CCDC91: variants seen among roughly 807,000 people sequenced by gnomAD.
CCDC91 encodes coiled-coil domain containing 91.
CCDC91 carries 48 observed loss-of-function variants against 63.2 expected under a neutral mutation model. The observed-to-expected ratio is 0.76, with a 90% CI of 0.60 to 0.97. The LOEUF (loss-of-function observed/expected upper bound fraction) is 0.97. Ranked by LOEUF, CCDC91 falls within the 50% of genes least tolerant of loss-of-function variation. The pLI, the probability that CCDC91 is intolerant of heterozygous loss-of-function variation, is 0.00. For missense variants in CCDC91, 500 were observed against 494.6 expected, an observed-to-expected ratio of 1.01 and a Z score of -0.10; for synonymous variants, 167 against 165.8, an observed-to-expected ratio of 1.01 and a Z score of -0.06.
chr12:28,423,401 G>A (rs1181025277), intron 8 of CCDC91, among the ~76,000 whole-genome samples: 1 of 151,866 alleles, frequency 6.6e-6, no homozygotes, highest in African/African-American at 2.4e-5. Flanking sequence ...AATATACGGG[G>A]GACAAAGGCA....
At chr12:28,443,750 C>T (rs1343847439) in intron 8 of CCDC91, among the ~76,000 whole-genome samples, 25 of 152,068 alleles carry the variant, frequency 1.6e-4, no homozygotes, top group Admixed American at 1.6e-3. Flanking sequence ...GATGACAGAA[C>T]ATTTTTTAAA....
chr12:28,497,099 A>G (rs571412842), intron 12 of CCDC91, among the ~76,000 whole-genome samples: 2 of 151,210 alleles, frequency 1.3e-5, no homozygotes, highest in East Asian at 3.9e-4. Flanking sequence ...CAAGTTTACT[A>G]AAAAAAGAGC....
chr12:28,431,634 A>G (rs570398317), intron 8 of CCDC91, among the ~76,000 whole-genome samples: 1 of 152,152 alleles, frequency 6.6e-6, no homozygotes, highest in Non-Finnish European at 1.5e-5. Flanking sequence ...AGCATCCTTG[A>G]ATGGAAAGTG....
chr12:28,448,053 A>G (rs1208798022), intron 8 of CCDC91, among the ~76,000 whole-genome samples: 3 of 152,138 alleles, frequency 2.0e-5, no homozygotes, highest in African/African-American at 7.2e-5. Flanking sequence ...TACATTATGT[A>G]GCTTTTAATT....
intron 12 of CCDC91, among the ~76,000 whole-genome samples, chr12:28,497,370 T>A (rs1952360694): frequency 6.6e-6 from 1 of 151,614 alleles, no homozygotes; most frequent in Admixed American, 6.6e-5. Flanking sequence ...CATGTTAAGC[T>A]TGAACAAGGA....
chr12:28,423,968 A>G (rs1464903561), intron 8 of CCDC91, among the ~76,000 whole-genome samples: 3 of 152,198 alleles, frequency 2.0e-5, no homozygotes, highest in Non-Finnish European at 1.5e-5. Context: ...AGTTGAAGGC[A>G]CTTGAAATAA....
intron 3 of CCDC91, among the ~76,000 whole-genome samples, chr12:28,272,112 G>T (rs1947813024): frequency 6.6e-6 from 1 of 151,772 alleles, no homozygotes; most frequent in Admixed American, 6.6e-5. Context: ...TCCATTAGTT[G>T]TTGTTCCATT....
chr12:28,516,324 G>A (rs573526548), intron 12 of CCDC91, among the ~76,000 whole-genome samples: 47 of 151,934 alleles, frequency 3.1e-4, no homozygotes, highest in African/African-American at 1.1e-3. Flanking sequence ...TATTTTCTAG[G>A]CTGAGTGTAA....
intron 11 of CCDC91, among the ~76,000 whole-genome samples, chr12:28,472,533 A>G (rs537457515): frequency 1.5e-4 from 23 of 152,330 alleles, no homozygotes; most frequent in African/African-American, 4.6e-4. Flanking sequence ...GGGTAATAGC[A>G]TCTGCTTGTT....
At chr12:28,245,137 C>G (rs1171415906) in intron 1 of CCDC91, among the ~76,000 whole-genome samples, 2 of 152,032 alleles carry the variant, frequency 1.3e-5, no homozygotes, top group Admixed American at 1.3e-4. Context: ...AGTTGTAGGG[C>G]TCACTCACTA....
intron 8 of CCDC91, among the ~76,000 whole-genome samples, chr12:28,432,841 A>C (rs1380062767): frequency 1.3e-5 from 2 of 152,108 alleles, no homozygotes; most frequent in African/African-American, 2.4e-5. Flanking sequence ...ATGCACCAGC[A>C]ATAAATGAGA....
At chr12:28,393,784 C>T (rs1332978450) in intron 8 of CCDC91, among the ~76,000 whole-genome samples, 1 of 152,106 alleles carries the variant, frequency 6.6e-6, no homozygotes, top group East Asian at 1.9e-4. Context: ...TGAGAATTTT[C>T]TTTTTTCTAT....
rs758786357 is a variant in CCDC91 at position 28,447,713 on chromosome 12, A to AAGGGCAGGGC, written c.763-2423_763-2414dup. Among the ~76,000 whole-genome samples, 122 of 59,018 alleles carry AAGGGCAGGGC rather than the reference A, an allele frequency of 2.1e-3. 1 individual carries two copies. Among genetic ancestry groups the AAGGGCAGGGC allele is most frequent in the African/African-American group, 4.3e-3 (63 of 14,518 alleles). The allele number at this position is 59,018 out of a possible 152,430, so 38.7% of individuals were successfully genotyped here. On this transcript the variant is annotated intron_variant, in intron 8 of 12. Transcript: ENST00000536442. Reference sequence around the variant, plus strand: ...GAAGGAATGAATAAAGAAGAATGGGAAGGGCAGGGCAGGGCAGGGCAGGGC... The same window carrying AAGGGCAGGGC: ...GAAGGAATGAATAAAGAAGAATGGGAAGGGCAGGGCAGGGCAGGGCAGGGCAGGGCAGGGC...
chr12:28,252,254 T>G (rs11049484), intron 1 of CCDC91, among the ~76,000 whole-genome samples: 30,495 of 151,994 alleles, frequency 0.2, 4,009 homozygotes, highest in Non-Finnish European at 0.3. Flanking sequence ...GGGTTTTTTT[T>G]CTTCTTTTTT....
chr12:28,365,268 A>G (rs1944199802), intron 7 of CCDC91, among the ~76,000 whole-genome samples: 1 of 152,206 alleles, frequency 6.6e-6, no homozygotes, highest in Admixed American at 6.5e-5. Context: ...TGTAAATACT[A>G]GAATAGTTTT....
In CCDC91 at chr12:28,399,649, A is replaced by G. The variant is rs367904794; in HGVS notation, c.762+8238A>G. Reference sequence around the variant, plus strand: ...CAAAAGCAAGTTAGTTACTTCCTAGATACAATGGAGATACAGACATTGGAT... The same window carrying G: ...CAAAAGCAAGTTAGTTACTTCCTAGGTACAATGGAGATACAGACATTGGAT... On this transcript the variant is annotated intron_variant, in intron 8 of 12. Coordinates refer to ENST00000536442, the MANE Select transcript of CCDC91 (RefSeq NM_018318.5). Among the ~76,000 whole-genome samples, 9 of 152,354 alleles carry G rather than the reference A, an allele frequency of 5.9e-5. No homozygotes were observed. The East Asian group carries it at 1.3e-3, about 23-fold the overall frequency.
chr12:28,233,743 C>CT (rs1299444776), intron 1 of CCDC91, among the ~76,000 whole-genome samples: 3 of 152,046 alleles, frequency 2.0e-5, no homozygotes, highest in African/African-American at 4.8e-5. Flanking sequence ...GGAAGAAACT[C>CT]TATTCTTACT....
At chr12:28,381,826 C>T (rs1945314293) in intron 7 of CCDC91, among the ~76,000 whole-genome samples, 1 of 152,022 alleles carries the variant, frequency 6.6e-6, no homozygotes, top group Non-Finnish European at 1.5e-5. Flanking sequence ...GTAATAATTA[C>T]CCTGAGCCAC....
At chr12:28,541,438 A>G (rs546178454) in intron 12 of CCDC91, among the ~76,000 whole-genome samples, 15 of 152,218 alleles carry the variant, frequency 9.9e-5, no homozygotes, top group African/African-American at 3.6e-4. Context: ...AAGAACTTAA[A>G]GGTCATCTAA....
Sources: allele counts gnomAD v4.1 joint callset (sites outside exome capture counted in the v4.1 genomes callset), GRCh38; gene constraint gnomAD v4.1.1; transcripts MANE v1.5; gene names NCBI Gene and HGNC (gene_info 2026-07-23, HGNC 2026-07-21).